Variants in THRB observed in about 807,000 individuals in gnomAD.
THRB encodes the protein nuclear receptor subfamily 1 group A member 2.
A neutral mutation model predicts 47.8 loss-of-function variants in THRB; 12 were observed. That is an observed-to-expected ratio of 0.25 (90% CI 0.16 to 0.41). The LOEUF is 0.41. THRB is among the 10% of genes least tolerant of loss of function. The pLI, the probability that THRB is intolerant of heterozygous loss-of-function variation, is 1.00. For missense variants in THRB, 348 were observed against 589.2 expected (o/e 0.59, Z 4.24); for synonymous variants, 218 against 212.2 (o/e 1.03, Z -0.24).
At chr3:24,310,429 C>A (rs373619625) in intron 2 of THRB, among the ~76,000 whole-genome samples, 1 of 152,294 alleles carries the variant, frequency 6.6e-6, no homozygotes, top group East Asian at 1.9e-4. Flanking sequence ...TCTTCCAGAA[C>A]TTCAGTGACC....
At chr3:24,365,083 A>T (rs1220892343) in intron 1 of THRB, among the ~76,000 whole-genome samples, 1 of 152,166 alleles carries the variant, frequency 6.6e-6, no homozygotes, top group African/African-American at 2.4e-5. Flanking sequence ...ATTCAAAAAC[A>T]TATTTCTAAA....
chr3:24,220,442 G>T (rs771563177), intron 4 of THRB, among the ~76,000 whole-genome samples: 7 of 152,118 alleles, frequency 4.6e-5, no homozygotes, highest in Non-Finnish European at 8.8e-5. Context: ...AGTGAGCTGA[G>T]ATCATTCCAC....
chr3:24,283,319 C>A (rs1464549671), intron 3 of THRB, among the ~76,000 whole-genome samples: 1 of 152,040 alleles, frequency 6.6e-6, no homozygotes, highest in Non-Finnish European at 1.5e-5. Context: ...ATAAACAGAA[C>A]CAAAGACAAA....
intron 1 of THRB, among the ~76,000 whole-genome samples, chr3:24,451,354 C>G (rs760754653): frequency 1.3e-5 from 2 of 151,846 alleles, no homozygotes; most frequent in African/African-American, 2.4e-5. Flanking sequence ...CTGCCTCAGC[C>G]TCCCGAGTAG....
chr3:24,150,372 C>CTTAAGTGAT (rs1214733134), intron 6 of THRB, among the ~76,000 whole-genome samples: 3 of 152,122 alleles, frequency 2.0e-5, no homozygotes, highest in Non-Finnish European at 2.9e-5. Flanking sequence ...GATGCTTTGT[C>CTTAAGTGAT]ATTATATTAA....
chr3:24,179,131 G>A (rs2041566337), intron 5 of THRB, among the ~76,000 whole-genome samples: 1 of 152,146 alleles, frequency 6.6e-6, no homozygotes, highest in South Asian at 2.1e-4. Context: ...CCTATCTAGA[G>A]GAATGAAGCC....
At chr3:24,181,933 G>A (rs951859779) in intron 5 of THRB, among the ~76,000 whole-genome samples, 1 of 152,170 alleles carries the variant, frequency 6.6e-6, no homozygotes, top group Admixed American at 6.5e-5. Context: ...CAGGTGCGGT[G>A]GCTCGTGCCT....
intron 3 of THRB, among the ~76,000 whole-genome samples, chr3:24,272,215 C>T (rs771862492): frequency 6.6e-6 from 1 of 151,862 alleles, no homozygotes; most frequent in Non-Finnish European, 1.5e-5. Flanking sequence ...ATGTGGTGGC[C>T]CGCACTTGTG....
chr3:24,365,479 G>A (rs764985067), intron 1 of THRB, among the ~76,000 whole-genome samples: 16 of 152,078 alleles, frequency 1.1e-4, no homozygotes, highest in Non-Finnish European at 2.1e-4. Context: ...TAAGGTCCCC[G>A]GGCAGTTCAA....
At chr3:24,296,606 C>A (rs1180242136) in intron 3 of THRB, among the ~76,000 whole-genome samples, 1 of 152,196 alleles carries the variant, frequency 6.6e-6, no homozygotes, top group East Asian at 1.9e-4. Context: ...TGTGACACAT[C>A]CTATGACCAG....
At chr3:24,470,565 T>C (rs753299862) in intron 1 of THRB, among the ~76,000 whole-genome samples, 5 of 152,198 alleles carry the variant, frequency 3.3e-5, no homozygotes, top group Non-Finnish European at 5.9e-5. Flanking sequence ...GTTTGTTGGA[T>C]ATATAAAAGG....
rs112497441 is a variant in THRB at position 24,466,487 on chromosome 3, G to A, written c.-261+28165C>T. Among the ~76,000 whole-genome samples, 293 of 152,210 alleles carry A rather than the reference G, an allele frequency of 1.9e-3. 4 individuals are homozygous for A. In the South Asian group the frequency reaches 0.031, roughly 16 times the overall value. On this transcript the variant is annotated intron_variant, in intron 1 of 10. Coordinates refer to ENST00000646209, the MANE Select transcript of THRB (RefSeq NM_001354712.2). ...ATGGTAGGGTTCCGGAAACCCAGTGGGGAAGAGTTCTGCTGGCTCCGTGTT... is the reference window on the plus strand; with the variant it reads ...ATGGTAGGGTTCCGGAAACCCAGTGAGGAAGAGTTCTGCTGGCTCCGTGTT...
chr3:24,127,397 G>T, intron 10 of THRB, 102 bp downstream of exon 10: 1 of 1,278,404 alleles, frequency 7.8e-7, no homozygotes, highest in Non-Finnish European at 1.1e-6. Context: ...AGTGAGCTAT[G>T]TTTCTGAAGC....
At chr3:24,214,900 GT>G (rs1160005423) in intron 4 of THRB, among the ~76,000 whole-genome samples, 1 of 152,162 alleles carries the variant, frequency 6.6e-6, no homozygotes, top group African/African-American at 2.4e-5. Flanking sequence ...AAATCATTAT[GT>G]TTTATGCCCT....
chr3:24,322,549 T>C (rs754523653), intron 2 of THRB, among the ~76,000 whole-genome samples: 100 of 152,342 alleles, frequency 6.6e-4, no homozygotes, highest in Non-Finnish European at 1.1e-3. Flanking sequence ...ACTCCTTTCT[T>C]TGCCTGGACA....
At chr3:24,481,219 GTTTC>G (rs1248160956) in intron 1 of THRB, among the ~76,000 whole-genome samples, 5 of 104,498 alleles carry the variant, frequency 4.8e-5, no homozygotes, top group African/African-American at 8.7e-5. Context: ...GTGTGGATGC[GTTTC>G]TTTCTGTTTT....
chr3:24,225,973 A>G (rs1049702845), intron 4 of THRB, among the ~76,000 whole-genome samples: 1 of 152,204 alleles, frequency 6.6e-6, no homozygotes, highest in African/African-American at 2.4e-5. Context: ...ACTGTAGCTT[A>G]TATTAAGTAA....
intron 1 of THRB, among the ~76,000 whole-genome samples, chr3:24,412,915 ATC>A (rs1403358003): frequency 1.3e-5 from 2 of 151,862 alleles, no homozygotes; most frequent in Admixed American, 1.3e-4. Flanking sequence ...TGAGAAAAAA[ATC>A]TAATTGTATT....
At chr3:24,487,389 T>G (rs1168992502) in intron 1 of THRB, among the ~76,000 whole-genome samples, 1 of 151,810 alleles carries the variant, frequency 6.6e-6, no homozygotes, top group Non-Finnish European at 1.5e-5. Flanking sequence ...GGTGATCAAA[T>G]GAATTTTGCT....
Sources: gnomAD v4.1 joint callset for allele counts (sites outside exome capture counted in the v4.1 genomes callset) on GRCh38, gnomAD v4.1.1 for gene constraint, MANE v1.5 for transcripts, NCBI Gene and HGNC (gene_info 2026-07-23, HGNC 2026-07-21) for gene names.